TMEM87A: variants seen among roughly 807,000 people sequenced by gnomAD.
TMEM87A encodes Golgi-pH regulating cation channel.
Under a neutral mutation model 90.0 loss-of-function variants are expected in TMEM87A, and 50 were observed. The ratio of observed to expected loss-of-function variants is 0.56; its 90% CI spans 0.44 to 0.70. TMEM87A has a LOEUF of 0.70. Ranked by LOEUF, TMEM87A falls within the 30% of genes least tolerant of loss-of-function variation. The probability of loss-of-function intolerance (pLI) is 0.00; values close to 1 mark genes in which losing one functional copy is unlikely to be tolerated. For missense variants in TMEM87A, 577 were observed against 660.5 expected (o/e 0.87, Z 1.39); for synonymous variants, 226 against 226.7 (o/e 1.00, Z 0.03).
At chr15:42,227,798 G>A (rs1327045984) in intron 13 of TMEM87A, 29 bp from the exon 14 acceptor site, 3 of 1,606,064 alleles carry the variant, frequency 1.9e-6, no homozygotes, top group African/African-American at 1.3e-5. Context: ...CCAGGTCAGA[G>A]TATGAATGCT....
In TMEM87A at chr15:42,219,643, C is replaced by T. The variant is rs182623279; in HGVS notation, c.1478-1G>A. ...TTGGTACTTCTCATTTTCATTCCTT[C>T]TGTAGAAGAAAATAAATATACACTG... On this transcript the variant is annotated splice_acceptor_variant, in intron 16 of 19. Coordinates refer to ENST00000389834, the MANE Select transcript of TMEM87A (RefSeq NM_015497.5). LOFTEE classifies it high-confidence loss of function. 77 of 1,590,100 alleles carry T rather than the reference C, an allele frequency of 4.8e-5. No individual in the cohort carries two copies. The East Asian group carries it at 1.7e-3, about 35-fold the overall frequency.
chr15:42,231,745 T>C, intron 11 of TMEM87A: 1 of 335,894 alleles, frequency 3.0e-6, no homozygotes. Flanking sequence ...GGCAATTATC[T>C]GTCTGAAAAA....
intron 19 of TMEM87A, among the ~76,000 whole-genome samples, chr15:42,215,369 C>T (rs1426963219): frequency 5.3e-5 from 8 of 152,060 alleles, no homozygotes; most frequent in Admixed American, 3.9e-4. Context: ...GGCGTGGTGG[C>T]GGGCGCCTGT....
Position 42,223,755 on chromosome 15 carries a change from C to A in TMEM87A, c.1403+3051G>T, listed in dbSNP as rs950668090. On this transcript the variant is annotated intron_variant, in intron 15 of 19. Coordinates refer to ENST00000389834, the MANE Select transcript of TMEM87A (RefSeq NM_015497.5). ...ATGGACAGAGACAATGATCAATAAGCCAATAAAAAATAAGCTAAAGATCCA... is the reference window on the plus strand; with the variant it reads ...ATGGACAGAGACAATGATCAATAAGACAATAAAAAATAAGCTAAAGATCCA... Among the ~76,000 whole-genome samples the A allele has an allele frequency of 7.8e-4, 118 of 151,880 alleles. 2 individuals are homozygous for A. The highest frequency in any genetic ancestry group is 1.0e-4 in the Non-Finnish European group (7 of 67,978).
At chr15:42,254,327 C>A (rs79996129) in intron 6 of TMEM87A, among the ~76,000 whole-genome samples, 1,624 of 152,254 alleles carry the variant, frequency 0.011, 36 homozygotes, top group African/African-American at 0.038. Context: ...CATACTCTTA[C>A]CATACAATCT....
intron 6 of TMEM87A, among the ~76,000 whole-genome samples, chr15:42,244,691 G>A (rs996521971): frequency 1.4e-5 from 2 of 146,702 alleles, no homozygotes; most frequent in Admixed American, 6.7e-5. Context: ...TAGTCTATGT[G>A]GTAAGCAAGA....
At chr15:42,260,715 T>C (rs1483986240) in intron 6 of TMEM87A, among the ~76,000 whole-genome samples, 1 of 152,198 alleles carries the variant, frequency 6.6e-6, no homozygotes, top group African/African-American at 2.4e-5. Flanking sequence ...TACAGATATT[T>C]ATGGGGGGAT....
intron 18 of TMEM87A, 96 bp downstream of exon 18, chr15:42,218,227 T>C (rs2050414029): frequency 8.4e-7 from 1 of 1,193,154 alleles, no homozygotes. Flanking sequence ...TTTCAGTATC[T>C]TGTATTTTCA....
chr15:42,266,873 A>C (rs1238468451), intron 3 of TMEM87A, among the ~76,000 whole-genome samples: 2 of 152,234 alleles, frequency 1.3e-5, no homozygotes, highest in Non-Finnish European at 2.9e-5. Flanking sequence ...GAGTTAAACT[A>C]ATCATTTTTT....
Position 42,211,719 on chromosome 15 carries a change from T to G in TMEM87A, c.1657A>C (p.Lys553Gln). 6.2e-7 allele frequency: 1 copy of G among 1,613,508 alleles called. No homozygotes were observed. The highest frequency in any genetic ancestry group is 8.5e-7 in the Non-Finnish European group (1 of 1,179,756). ...ERMITHFERS[K>Q]ME ...AATCTTCCCATTCCTTACTCCATTTTGGACCTTTCAAAGTGTGTGATCATT... is the reference window on the plus strand; with the variant it reads ...AATCTTCCCATTCCTTACTCCATTTGGGACCTTTCAAAGTGTGTGATCATT... The change falls in exon 20 of 20, where the codon AAA becomes CAA. Residue 553 changes from lysine to glutamine, a missense_variant. Lys to Gln is a moderately conservative substitution (Grantham distance 53). Coordinates refer to ENST00000389834, the MANE Select transcript of TMEM87A (RefSeq NM_015497.5).
chr15:42,218,105 C>A (rs2050412417), intron 18 of TMEM87A: 2 of 628,210 alleles, frequency 3.2e-6, no homozygotes, highest in Non-Finnish European at 5.5e-6. Context: ...AAGGAGTATC[C>A]CATTCATTTT....
At chr15:42,241,151 T>C in intron 7 of TMEM87A, among the ~76,000 whole-genome samples, 1 of 152,362 alleles carries the variant, frequency 6.6e-6, no homozygotes, top group Non-Finnish European at 1.5e-5. Flanking sequence ...CCCTGCTCTA[T>C]GCTAAAATAT....
intron 6 of TMEM87A, among the ~76,000 whole-genome samples, chr15:42,256,236 G>A (rs56670003): frequency 0.11 from 16,863 of 152,024 alleles, 1,385 homozygotes; most frequent in African/African-American, 0.2. Flanking sequence ...TGCTTCTTGG[G>A]CTCAAGTGAT....
Position 42,264,157 on chromosome 15 carries a change from C to A in TMEM87A, c.338G>T (p.Gly113Val). The change falls in exon 4 of 20, where the codon GGC becomes GTC. Residue 113 changes from glycine to valine, a missense_variant. Physicochemically the swap from Gly to Val is moderately radical, Grantham distance 109. Transcript: ENST00000389834. ...TGATGTTTGATATTTCCCAGACAAGCCTCTTTTTTCCTTAAGTTTTTCCAA... is the reference window on the plus strand; with the variant it reads ...TGATGTTTGATATTTCCCAGACAAGACTCTTTTTTCCTTAAGTTTTTCCAA... Reference protein sequence around the residue: ...LYLEKLKEKRGLSGKYQTSSK... With the variant: ...LYLEKLKEKRVLSGKYQTSSK... 1 of 1,613,796 alleles carries A rather than the reference C, an allele frequency of 6.2e-7. No homozygotes were observed. Among genetic ancestry groups the A allele is most frequent in the Non-Finnish European group, 8.5e-7 (1 of 1,179,892 alleles).
At chr15:42,264,270 A>G in intron 3 of TMEM87A, 67 bp from the exon 4 acceptor site, 1 of 1,092,594 alleles carries the variant, frequency 9.2e-7, no homozygotes, top group Non-Finnish European at 1.4e-6. Context: ...AGAGCACAGC[A>G]CAACAAACAG....
At chr15:42,231,713 C>T (rs1566927575) in intron 11 of TMEM87A, 2 of 201,910 alleles carry the variant, frequency 9.9e-6, no homozygotes, top group Non-Finnish European at 1.9e-5. Context: ...CAAATAAGAG[C>T]TCACCCCAAA....
intron 18 of TMEM87A, 71 bp from the exon 19 acceptor site, chr15:42,217,904 G>A (rs1595704580): frequency 2.8e-6 from 4 of 1,451,900 alleles, no homozygotes. Context: ...AAAGACAATG[G>A]AATAATGCAA....
At chr15:42,247,138 G>T (rs1439472727) in intron 6 of TMEM87A, among the ~76,000 whole-genome samples, 2 of 152,072 alleles carry the variant, frequency 1.3e-5, no homozygotes, top group Non-Finnish European at 2.9e-5. Flanking sequence ...TTTTTGATGG[G>T]GTTGATTTTT....
intron 3 of TMEM87A, among the ~76,000 whole-genome samples, chr15:42,267,498 T>C (rs1449746393): frequency 6.6e-6 from 1 of 152,194 alleles, no homozygotes; most frequent in African/African-American, 2.4e-5. Flanking sequence ...AGCCAAATTA[T>C]TGCAACAGAC....
Sources: allele counts gnomAD v4.1 joint callset (sites outside exome capture counted in the v4.1 genomes callset), GRCh38; gene constraint gnomAD v4.1.1; transcripts MANE v1.5; gene names NCBI Gene and HGNC (gene_info 2026-07-23, HGNC 2026-07-21).